The following TENM3 variants were observed in gnomAD, a reference collection of about 807,000 sequenced individuals.
The protein encoded by TENM3 is teneurin transmembrane protein 3.
Under a neutral mutation model 255.1 loss-of-function variants are expected in TENM3, and 63 were observed. That is an observed-to-expected ratio of 0.25 (90% CI 0.20 to 0.30). TENM3 has a LOEUF of 0.30. TENM3 is among the 10% of genes least tolerant of loss of function. The probability of loss-of-function intolerance (pLI) is 1.00; values close to 1 mark genes in which losing one functional copy is unlikely to be tolerated. For missense variants in TENM3, 2,929 were observed against 3,461.1 expected (o/e 0.85, Z 3.86); for synonymous variants, 1,306 against 1,322.3 (o/e 0.99, Z 0.27).
chr4:182,646,719 G>A (rs763053939), intron 5 of TENM3, among the ~76,000 whole-genome samples: 5 of 152,128 alleles, frequency 3.3e-5, no homozygotes, highest in Non-Finnish European at 2.9e-5. Context: ...TCCAGCCTGG[G>A]TGACAGAGCA....
the TENM3 span, among the ~76,000 whole-genome samples, chr4:181,645,765 A>T: frequency 2.0e-5 from 3 of 152,236 alleles, no homozygotes; most frequent in African/African-American, 7.2e-5. Flanking sequence ...GAAGACTGCC[A>T]AGGTGATACC....
At chr4:182,758,297 G>C (rs1250968842) in intron 22 of TENM3, among the ~76,000 whole-genome samples, 1 of 152,106 alleles carries the variant, frequency 6.6e-6, no homozygotes, top group Admixed American at 6.5e-5. Context: ...CTAAGGGTCA[G>C]AAACTTTAAA....
chr4:181,684,931 T>A, the TENM3 span, among the ~76,000 whole-genome samples: 1 of 142,530 alleles, frequency 7.0e-6, no homozygotes, highest in African/African-American at 2.5e-5. Context: ...TTTTTTTTTT[T>A]TTTTTTTTTT....
At chr4:181,647,790 GC>G in the TENM3 span, among the ~76,000 whole-genome samples, 1 of 152,152 alleles carries the variant, frequency 6.6e-6, no homozygotes, top group African/African-American at 2.4e-5. Context: ...TTTCTTGGTA[GC>G]GAAGAAACAC....
the TENM3 span, among the ~76,000 whole-genome samples, chr4:182,100,448 A>AAATAT: frequency 9.4e-4 from 108 of 114,704 alleles, 3 homozygotes; most frequent in East Asian, 8.0e-3. Flanking sequence ...TAAAAAAAAA[A>AAATAT]ATATATATAT....
intron 1 of TENM3, among the ~76,000 whole-genome samples, chr4:182,228,358 A>ATGTGTG (rs141968345): frequency 0.027 from 2,974 of 109,056 alleles, 316 homozygotes; most frequent in African/African-American, 0.068. Flanking sequence ...ATGTAATGTA[A>ATGTGTG]TGTGTGTGTG....
chr4:182,065,016 G>A, the TENM3 span, among the ~76,000 whole-genome samples: 1 of 147,484 alleles, frequency 6.8e-6, no homozygotes, highest in East Asian at 2.0e-4. Context: ...AGAAATACCT[G>A]AAATAGAATA....
chr4:182,174,852 G>A (rs2149709243), intron 1 of TENM3, among the ~76,000 whole-genome samples: 1 of 151,910 alleles, frequency 6.6e-6, no homozygotes, highest in South Asian at 2.1e-4. Flanking sequence ...TAAAGGGAAG[G>A]GAAAAACATT....
At chr4:182,551,560 A>G (rs1742023665) in intron 3 of TENM3, among the ~76,000 whole-genome samples, 1 of 151,840 alleles carries the variant, frequency 6.6e-6, no homozygotes, top group African/African-American at 2.4e-5. Flanking sequence ...AAAGAGAGAG[A>G]TAATAATATA....
the TENM3 span, among the ~76,000 whole-genome samples, chr4:181,494,900 C>T: frequency 6.6e-6 from 1 of 152,108 alleles, no homozygotes; most frequent in Non-Finnish European, 1.5e-5. Context: ...CTTCTGCTTG[C>T]CACTTCCGTG....
At chr4:182,697,271 T>G (rs1022674683) in intron 12 of TENM3, among the ~76,000 whole-genome samples, 1 of 152,176 alleles carries the variant, frequency 6.6e-6, no homozygotes, top group African/African-American at 2.4e-5. Context: ...CAAGGAGAGC[T>G]AATCCCCTCT....
At chr4:182,464,487 C>A (rs1174603485) in intron 3 of TENM3, among the ~76,000 whole-genome samples, 1 of 152,164 alleles carries the variant, frequency 6.6e-6, no homozygotes, top group Non-Finnish European at 1.5e-5. Context: ...CAACTCCTGA[C>A]CTCAGGTGAT....
chr4:182,785,747 G>A (rs1765598379), intron 24 of TENM3, among the ~76,000 whole-genome samples: 1 of 146,146 alleles, frequency 6.8e-6, no homozygotes, highest in Non-Finnish European at 1.5e-5. Flanking sequence ...ACTGAAGCCT[G>A]GAATAATGCT....
At position 182,313,717 on chromosome 4, in the gene TENM3, A is replaced by G. The variant is rs192816160; in HGVS notation, c.-75-10229A>G. 6.0e-4 allele frequency among the ~76,000 whole-genome samples: 92 copies of G among 152,226 alleles called. 2 individuals are homozygous for G. In the East Asian group the frequency reaches 0.015, roughly 26 times the overall value. On this transcript the variant is annotated intron_variant, in intron 1 of 27. Transcript: ENST00000511685. ...ATGTGTATTAAACAGTGCTTAGGGGATGGCCTCCTGTTTTCTCTCTCTCAG... is the reference window on the plus strand; with the variant it reads ...ATGTGTATTAAACAGTGCTTAGGGGGTGGCCTCCTGTTTTCTCTCTCTCAG...
the TENM3 span, among the ~76,000 whole-genome samples, chr4:181,648,628 C>T: frequency 6.6e-6 from 1 of 152,166 alleles, no homozygotes; most frequent in Non-Finnish European, 1.5e-5. Context: ...GGTAAGGAAA[C>T]TTAATATTAT....
intron 24 of TENM3, among the ~76,000 whole-genome samples, chr4:182,784,890 G>A (rs1309340729): frequency 6.6e-6 from 1 of 152,124 alleles, no homozygotes; most frequent in Non-Finnish European, 1.5e-5. Flanking sequence ...CCCAAGTGAG[G>A]CAATGCCTCG....
At chr4:181,758,364 A>T in the TENM3 span, among the ~76,000 whole-genome samples, 7 of 152,218 alleles carry the variant, frequency 4.6e-5, no homozygotes, top group African/African-American at 1.7e-4. Flanking sequence ...TGATGTGCTT[A>T]ACTTTTTAAA....
chr4:182,098,320 A>T, the TENM3 span, among the ~76,000 whole-genome samples: 1 of 152,212 alleles, frequency 6.6e-6, no homozygotes, highest in East Asian at 1.9e-4. Context: ...TGATCCAGCA[A>T]TCCCACTGCT....
chr4:182,132,476 C>T, the TENM3 span, among the ~76,000 whole-genome samples: 8 of 151,620 alleles, frequency 5.3e-5, no homozygotes, highest in Admixed American at 1.3e-4. Flanking sequence ...GGCAACAGAG[C>T]GAGAATCTGT....
Sources: gnomAD v4.1 joint callset for allele counts (sites outside exome capture counted in the v4.1 genomes callset) on GRCh38, gnomAD v4.1.1 for gene constraint, MANE v1.5 for transcripts, NCBI Gene and HGNC (gene_info 2026-07-23, HGNC 2026-07-21) for gene names.